Variants in KLF12 observed in about 807,000 individuals in gnomAD.
KLF12 encodes Krueppel-like factor 12.
Under a neutral mutation model 37.8 loss-of-function variants are expected in KLF12, and 9 were observed. That is an observed-to-expected ratio of 0.24 (90% CI 0.14 to 0.42). KLF12 has a LOEUF of 0.42. KLF12 is among the 10% of genes least tolerant of loss of function. The pLI, the probability that KLF12 is intolerant of heterozygous loss-of-function variation, is 1.00. For synonymous variants in KLF12, 208 were observed against 202.1 expected (o/e 1.03, Z -0.25); for missense variants, 411 against 516.0 (o/e 0.80, Z 1.97).
chr13:74,298,147 G>A, the KLF12 span, among the ~76,000 whole-genome samples: 1 of 152,182 alleles, frequency 6.6e-6, no homozygotes, highest in African/African-American at 2.4e-5. Context: ...TGAAGCCCTG[G>A]TTTTATTATA....
the KLF12 span, among the ~76,000 whole-genome samples, chr13:74,297,078 TC>T: frequency 6.6e-6 from 1 of 152,184 alleles, no homozygotes; most frequent in African/African-American, 2.4e-5. Context: ...ATTCATTCAT[TC>T]ATTCATCTTA....
chr13:73,922,483 C>T (rs1889162766), intron 3 of KLF12, among the ~76,000 whole-genome samples: 1 of 152,142 alleles, frequency 6.6e-6, no homozygotes, highest in Non-Finnish European at 1.5e-5. Context: ...AACAGTGTGA[C>T]ATGAATCTTA....
intron 7 of KLF12, among the ~76,000 whole-genome samples, chr13:73,709,579 C>A (rs903187470): frequency 1.3e-5 from 2 of 152,168 alleles, no homozygotes; most frequent in African/African-American, 2.4e-5. Context: ...TCATTTTGAA[C>A]TAGTTACAGA....
intron 7 of KLF12, among the ~76,000 whole-genome samples, chr13:73,712,338 CAAAAAAAA>C (rs752694466): frequency 1.4e-4 from 6 of 42,058 alleles, no homozygotes; most frequent in African/African-American, 4.6e-4. Flanking sequence ...AACTCCATGT[CAAAAAAAA>C]AAAAAAAAAA....
At chr13:74,161,660 G>A in the KLF12 span, among the ~76,000 whole-genome samples, 1 of 152,190 alleles carries the variant, frequency 6.6e-6, no homozygotes, top group African/African-American at 2.4e-5. Flanking sequence ...GTGGTGATTT[G>A]TTACAGCAGC....
intron 3 of KLF12, among the ~76,000 whole-genome samples, chr13:73,854,899 T>C (rs867056474): frequency 3.9e-5 from 6 of 152,206 alleles, no homozygotes; most frequent in African/African-American, 9.7e-5. Flanking sequence ...CAACTGTATA[T>C]ACTTGTCTTC....
At chr13:73,805,497 G>A (rs1043095535) in intron 5 of KLF12, among the ~76,000 whole-genome samples, 2 of 151,684 alleles carry the variant, frequency 1.3e-5, no homozygotes, top group Middle Eastern at 3.4e-3. Flanking sequence ...CACACTTGTA[G>A]TCTCAGCTAC....
intron 3 of KLF12, among the ~76,000 whole-genome samples, chr13:73,924,997 T>C (rs1352090694): frequency 6.6e-6 from 1 of 152,184 alleles, no homozygotes; most frequent in Non-Finnish European, 1.5e-5. Flanking sequence ...ATGATAAGGC[T>C]ACTGAAGAAA....
At chr13:73,920,156 C>T (rs1461575705) in intron 3 of KLF12, among the ~76,000 whole-genome samples, 2 of 152,158 alleles carry the variant, frequency 1.3e-5, no homozygotes, top group African/African-American at 2.4e-5. Context: ...GGTGCTTGTG[C>T]ATGCAAATTA....
the KLF12 span, among the ~76,000 whole-genome samples, chr13:74,149,019 T>C: frequency 2.0e-5 from 3 of 152,144 alleles, no homozygotes; most frequent in African/African-American, 4.8e-5. Flanking sequence ...TTCAGTATGT[T>C]GGCCAGGCTT....
At chr13:74,182,840 CT>C in the KLF12 span, among the ~76,000 whole-genome samples, 65 of 148,112 alleles carry the variant, frequency 4.4e-4, no homozygotes, top group Non-Finnish European at 7.5e-4. Flanking sequence ...ATACTTTAGC[CT>C]TTTTTTTTTA....
At chr13:74,216,573 AT>A in the KLF12 span, among the ~76,000 whole-genome samples, 1 of 152,182 alleles carries the variant, frequency 6.6e-6, no homozygotes, top group East Asian at 1.9e-4. Flanking sequence ...TCAATTCTTC[AT>A]TTATTCTCGA....
chr13:74,243,879 G>A, the KLF12 span, among the ~76,000 whole-genome samples: 1 of 152,170 alleles, frequency 6.6e-6, no homozygotes, highest in Non-Finnish European at 1.5e-5. Context: ...ATGTGGAGGA[G>A]GCCCGACACT....
At chr13:73,788,549 T>C (rs1566368626) in intron 5 of KLF12, among the ~76,000 whole-genome samples, 7 of 152,178 alleles carry the variant, frequency 4.6e-5, no homozygotes, top group African/African-American at 1.7e-4. Context: ...GGCTGTTCTG[T>C]AAAGGATGGG....
chr13:74,130,601 ATGCCAC>A (rs936890312), intron 1 of KLF12, among the ~76,000 whole-genome samples: 1 of 151,188 alleles, frequency 6.6e-6, no homozygotes, highest in Non-Finnish European at 1.5e-5. Context: ...AGCTATGATG[ATGCCAC>A]TGCAGTCCCG....
Position 73,691,979 on chromosome 13 carries a change from A to G in KLF12, c.*3511T>C, listed in dbSNP as rs765176945. 7 of 152,592 alleles carry G rather than the reference A, an allele frequency of 4.6e-5. No homozygotes were observed. The highest frequency in any genetic ancestry group is 1.0e-4 in the Non-Finnish European group (7 of 68,020). 9.5% of individuals were successfully genotyped at this position (152,592 alleles called of 1,614,324 possible). ...TTTGTAAGTTTTTCCCCTGACAATC[A>G]TCTTCCTTTTTCCCACTTAAGCTTT... On this transcript the variant is annotated 3_prime_UTR_variant, in exon 8 of 8. Transcript: ENST00000377669.
intron 2 of KLF12, among the ~76,000 whole-genome samples, chr13:73,967,531 T>A (rs1316604349): frequency 6.6e-6 from 1 of 152,202 alleles, no homozygotes; most frequent in Non-Finnish European, 1.5e-5. Context: ...AAGCAAGGCA[T>A]CTGATATAGA....
intron 1 of KLF12, among the ~76,000 whole-genome samples, chr13:74,054,944 T>C (rs945985011): frequency 6.6e-6 from 1 of 152,144 alleles, no homozygotes; most frequent in African/African-American, 2.4e-5. Flanking sequence ...TATGGACACA[T>C]GACATTTATT....
At chr13:73,719,423 C>A (rs200007595) in intron 6 of KLF12, among the ~76,000 whole-genome samples, 127 of 144,346 alleles carry the variant, frequency 8.8e-4, no homozygotes, top group Admixed American at 1.2e-3. Context: ...TGTGGGCATT[C>A]AAAAAAAAAA....
Sources: allele counts gnomAD v4.1 joint callset (sites outside exome capture counted in the v4.1 genomes callset), GRCh38; gene constraint gnomAD v4.1.1; transcripts MANE v1.5; gene names NCBI Gene and HGNC (gene_info 2026-07-23, HGNC 2026-07-21).